The following PEAK1 variants were observed in gnomAD, a reference collection of about 807,000 sequenced individuals.
The protein encoded by PEAK1 is inactive tyrosine-protein kinase PEAK1.
In PEAK1, 54 loss-of-function variants were observed where a neutral mutation model predicts 124.7. That is an observed-to-expected ratio of 0.43 (90% confidence interval 0.35 to 0.54). The LOEUF is 0.54. Among genes scored for constraint, PEAK1 ranks in the 20% least tolerant of loss-of-function variants. The probability of loss-of-function intolerance (pLI) is 0.01; values close to 1 mark genes in which losing one functional copy is unlikely to be tolerated. For missense variants in PEAK1, 2,046 were observed against 2,134.5 expected (o/e 0.96, Z 0.82); for synonymous variants, 719 against 760.0 (o/e 0.95, Z 0.89).
intron 6 of PEAK1, among the ~76,000 whole-genome samples, chr15:77,232,046 A>G (rs1452702590): frequency 6.6e-6 from 1 of 152,230 alleles, no homozygotes; most frequent in African/African-American, 2.4e-5. Flanking sequence ...GCCCACAGGA[A>G]TCATACTCAC....
intron 1 of PEAK1, chr15:77,403,311 T>G: frequency 1.0e-6 from 1 of 960,048 alleles, no homozygotes; most frequent in Non-Finnish European, 1.2e-6. Flanking sequence ...ATTTAAGTGC[T>G]AAACATGTTT....
chr15:77,236,485 A>C (rs1039343137), intron 6 of PEAK1, among the ~76,000 whole-genome samples: 1 of 152,278 alleles, frequency 6.6e-6, no homozygotes, highest in Non-Finnish European at 1.5e-5. Context: ...GTATTTACCC[A>C]ATTCCTGTTC....
In PEAK1 at chr15:77,354,252, C is replaced by T. The variant is rs181224148; in HGVS notation, c.-603+10911G>A. Among the ~76,000 whole-genome samples, 65 of 152,322 alleles carry T rather than the reference C, an allele frequency of 4.3e-4. 1 individual carries two copies. In the East Asian group the frequency reaches 0.011, roughly 25 times the overall value. ...ACTGGAAAGGAAACAAATAGTGCCA[C>T]ACCCATTAAATTGCCCAACTTGAGA... On this transcript the variant is annotated intron_variant, in intron 2 of 9. Coordinates refer to ENST00000682557, the MANE Select transcript of PEAK1 (RefSeq NM_001385026.1).
intron 2 of PEAK1, among the ~76,000 whole-genome samples, chr15:77,295,898 T>C (rs1159267968): frequency 6.6e-6 from 1 of 152,192 alleles, no homozygotes; most frequent in Non-Finnish European, 1.5e-5. Flanking sequence ...GCTTCAACAG[T>C]GAATATTTCT....
chr15:77,217,845 T>C (rs943594283), intron 6 of PEAK1, among the ~76,000 whole-genome samples: 9 of 152,214 alleles, frequency 5.9e-5, no homozygotes, highest in Non-Finnish European at 2.9e-5. Flanking sequence ...TTCATATTTT[T>C]TGTTAAATTT....
intron 2 of PEAK1, chr15:77,352,935 T>A: frequency 1.0e-6 from 1 of 985,252 alleles, no homozygotes; most frequent in Non-Finnish European, 1.2e-6. Context: ...GCTAATGTAT[T>A]GTACTGCTCT....
intron 6 of PEAK1, among the ~76,000 whole-genome samples, chr15:77,250,241 A>ATG (rs2060811689): frequency 7.1e-5 from 5 of 70,538 alleles, no homozygotes; most frequent in African/African-American, 2.0e-4. Context: ...ATGTATATGT[A>ATG]TATATATATA....
chr15:77,412,467 T>G (rs989329136), intron 1 of PEAK1, among the ~76,000 whole-genome samples: 1 of 152,222 alleles, frequency 6.6e-6, no homozygotes, highest in Non-Finnish European at 1.5e-5. Context: ...GATCCATTAC[T>G]CTTTTCTTTT....
rs369810068 is a variant in PEAK1 at position 77,133,176 on chromosome 15, A to C, written c.3906T>G (p.Ala1302=). Residue 1302 remains alanine (A), a synonymous_variant, in exon 9 of 10, where the codon GCT becomes GCG. Coordinates refer to ENST00000682557, the MANE Select transcript of PEAK1 (RefSeq NM_001385026.1). This position sits in a 1 kb window ranked among gnomAD's most constrained non-coding sequence, Gnocchi z 4.2. ...SLHTDALKKL[A]VKCEDLFMAG... is the part of the protein sequence containing the mutation. ...CCATGAAAAGGTCTTCGCATTTAACAGCCAGTTTCTTCAAGGCATCTGTAT... is the reference window on the plus strand; with the variant it reads ...CCATGAAAAGGTCTTCGCATTTAACCGCCAGTTTCTTCAAGGCATCTGTAT... 21 of 1,614,092 alleles carry C rather than the reference A, an allele frequency of 1.3e-5. No individual in the cohort carries two copies. Among genetic ancestry groups the C allele is most frequent in the Non-Finnish European group, 8.5e-7 (1 of 1,180,048 alleles).
chr15:77,340,152 C>T (rs576218386), intron 2 of PEAK1, among the ~76,000 whole-genome samples: 100 of 152,264 alleles, frequency 6.6e-4, no homozygotes, highest in Non-Finnish European at 1.1e-3. Context: ...GAACCAATGT[C>T]CACACAAAAA....
At chr15:77,134,757 T>A (rs1465285957) in intron 8 of PEAK1, among the ~76,000 whole-genome samples, 1 of 152,226 alleles carries the variant, frequency 6.6e-6, no homozygotes, top group African/African-American at 2.4e-5. Flanking sequence ...CTCAGAGTTA[T>A]AAGGCTCTGT....
chr15:77,416,030 C>G (rs564515054), intron 1 of PEAK1, among the ~76,000 whole-genome samples: 1 of 152,198 alleles, frequency 6.6e-6, no homozygotes, highest in Non-Finnish European at 1.5e-5. Flanking sequence ...TCAACACCCA[C>G]CCCCATGCAT....
At chr15:77,334,935 C>T (rs1018519295) in intron 2 of PEAK1, 12 of 985,222 alleles carry the variant, frequency 1.2e-5, no homozygotes, top group African/African-American at 1.7e-5. Context: ...AATGACTAAA[C>T]CTTTTTGAGA....
chr15:77,192,426 C>T (rs1324377832), intron 6 of PEAK1, among the ~76,000 whole-genome samples: 3 of 152,186 alleles, frequency 2.0e-5, no homozygotes, highest in Non-Finnish European at 4.4e-5. Context: ...CTCAAGAAAA[C>T]AGCAGAAGCT....
intron 5 of PEAK1, among the ~76,000 whole-genome samples, chr15:77,261,777 C>T (rs2061455561): frequency 1.3e-5 from 2 of 152,032 alleles, no homozygotes; most frequent in South Asian, 4.2e-4. Flanking sequence ...AGATACTCCT[C>T]CAGAAGAGCA....
intron 1 of PEAK1, among the ~76,000 whole-genome samples, chr15:77,397,152 G>A (rs2070955811): frequency 6.6e-6 from 1 of 152,120 alleles, no homozygotes; most frequent in South Asian, 2.1e-4. Flanking sequence ...TCAATAACAA[G>A]AGGAATTTTG....
Position 77,286,418 on chromosome 15 carries a change from C to T in PEAK1, c.-521+5G>A. 2.5e-6 allele frequency: 3 copies of T among 1,209,552 alleles called. No individual in the cohort carries two copies. Among genetic ancestry groups the T allele is most frequent in the Non-Finnish European group, 3.1e-6 (3 of 968,078 alleles). 74.9% of individuals were successfully genotyped at this position (1,209,552 alleles called of 1,614,324 possible). A position where few individuals can be genotyped will look rare whatever the true frequency, so the allele number is the denominator to read the frequency against. ...TGTTACATTATGGAAAGAAAAAGTA[C>T]AAACCTGGTTTAATTGGCTCCAACT... is the stretch of plus-strand genomic sequence containing the variant. On this transcript the variant is annotated splice_donor_5th_base_variant and intron_variant, in intron 3 of 9. Coordinates refer to ENST00000682557, the MANE Select transcript of PEAK1 (RefSeq NM_001385026.1).
intron 2 of PEAK1, among the ~76,000 whole-genome samples, chr15:77,324,174 G>A (rs986288352): frequency 1.3e-5 from 2 of 152,184 alleles, no homozygotes; most frequent in African/African-American, 4.8e-5. Flanking sequence ...CTGAGTGAAT[G>A]CATTATTAAA....
At chr15:77,285,081 C>CA (rs61149018) in intron 3 of PEAK1, 26 bp from the exon 4 acceptor site, 30,952 of 134,252 alleles carry the variant, frequency 0.23, 3,728 homozygotes, top group Middle Eastern at 0.32. Context: ...AGACTCGTCT[C>CA]AAAAAAAAAA....
Sources: allele counts gnomAD v4.1 joint callset (sites outside exome capture counted in the v4.1 genomes callset), GRCh38; gene constraint gnomAD v4.1.1; non-coding constraint Gnocchi (gnomAD v3.1); transcripts MANE v1.5; gene names NCBI Gene and HGNC (gene_info 2026-07-23, HGNC 2026-07-21).